PPARG: variants seen among roughly 807,000 people sequenced by gnomAD.
PPARG encodes the protein peroxisome proliferator activated receptor gamma.
In PPARG, 17 loss-of-function variants were observed where a neutral mutation model predicts 39.2. The ratio of observed to expected loss-of-function variants is 0.43; its 90% CI spans 0.30 to 0.65. PPARG has a LOEUF of 0.65. Ranked by LOEUF, PPARG falls within the 30% of genes least tolerant of loss-of-function variation. The pLI is 0.13. For synonymous variants in PPARG, 223 were observed against 215.7 expected, an observed-to-expected ratio of 1.03 and a Z score of -0.30; for missense variants, 406 against 585.9, an observed-to-expected ratio of 0.69 and a Z score of 3.17.
intron 5 of PPARG, among the ~76,000 whole-genome samples, chr3:12,398,594 G>T (rs1247736022): frequency 6.6e-6 from 1 of 152,162 alleles, no homozygotes; most frequent in African/African-American, 2.4e-5. Context: ...GGTCACACTA[G>T]GGACCACAGA....
chr3:12,310,470 T>C (rs959443780), intron 1 of PPARG, among the ~76,000 whole-genome samples: 1 of 102,056 alleles, frequency 9.8e-6, no homozygotes, highest in African/African-American at 3.5e-5. Flanking sequence ...TTTTTTTTTT[T>C]TTTTTTTTTT....
chr3:12,407,285 C>T lies in PPARG; in HGVS notation c.729+1204C>T, dbSNP rs1020348062. On this transcript the variant is annotated intron_variant, in intron 6 of 7. Coordinates refer to ENST00000651735, the MANE Select transcript of PPARG (RefSeq NM_138711.6). Reference sequence around the variant, plus strand: ...AAGCAATTCTCCTGCGTCAGCCTCCCGAGTAGCTGGGATTGCAGGCGCATG... The same window carrying T: ...AAGCAATTCTCCTGCGTCAGCCTCCTGAGTAGCTGGGATTGCAGGCGCATG... 7.2e-5 allele frequency among the ~76,000 whole-genome samples: 11 copies of T among 152,236 alleles called. 1 individual carries two copies. Among genetic ancestry groups the T allele is most frequent in the Admixed American group, 6.5e-4 (10 of 15,290 alleles).
intron 2 of PPARG, among the ~76,000 whole-genome samples, chr3:12,371,347 A>G (rs774048192): frequency 3.9e-5 from 6 of 152,200 alleles, no homozygotes; most frequent in Non-Finnish European, 7.4e-5. Context: ...GGCACAAAGC[A>G]AGCAAACAAC....
chr3:12,411,140 G>A lies in PPARG; in HGVS notation c.729+5059G>A, dbSNP rs546403832. On this transcript the variant is annotated intron_variant, in intron 6 of 7. Transcript: ENST00000651735. ...AGATGTAAAAGATCTAAACCAGTGT[G>A]TTCTTTCAGAGAATAAGTTAAAAAT... Among the ~76,000 whole-genome samples the A allele has an allele frequency of 7.9e-5, 12 of 152,240 alleles. 1 individual carries two copies. In the South Asian group the frequency reaches 2.5e-3, roughly 32 times the overall value.
At chr3:12,311,484 T>C (rs2047243059) in intron 1 of PPARG, among the ~76,000 whole-genome samples, 1 of 152,178 alleles carries the variant, frequency 6.6e-6, no homozygotes, top group Admixed American at 6.5e-5. Flanking sequence ...GTTAACAAAA[T>C]GGGAAAACAT....
At chr3:12,390,025 A>G (rs1482025653) in intron 4 of PPARG, among the ~76,000 whole-genome samples, 1 of 152,248 alleles carries the variant, frequency 6.6e-6, no homozygotes, top group East Asian at 1.9e-4. Context: ...GTAACAGACA[A>G]CAGATTAATA....
At chr3:12,366,533 G>A (rs922282648) in intron 2 of PPARG, among the ~76,000 whole-genome samples, 1 of 152,076 alleles carries the variant, frequency 6.6e-6, no homozygotes, top group African/African-American at 2.4e-5. Flanking sequence ...ATCTTAGTGG[G>A]AAAGCTTGAG....
chr3:12,400,626 G>T (rs2050438579), intron 5 of PPARG, among the ~76,000 whole-genome samples: 1 of 152,190 alleles, frequency 6.6e-6, no homozygotes, highest in African/African-American at 2.4e-5. Flanking sequence ...CTGCGTGCCA[G>T]TGTTCTGGAA....
chr3:12,366,908 T>A (rs2049036443), intron 2 of PPARG, among the ~76,000 whole-genome samples: 1 of 152,196 alleles, frequency 6.6e-6, no homozygotes, highest in Admixed American at 6.5e-5. Context: ...TCTAGCCTCA[T>A]TGAATGAGTT....
intron 7 of PPARG, among the ~76,000 whole-genome samples, chr3:12,432,317 G>A (rs780978720): frequency 6.6e-6 from 1 of 152,180 alleles, no homozygotes; most frequent in Non-Finnish European, 1.5e-5. Flanking sequence ...ATTAGCAAGT[G>A]AGTACAAGAG....
intron 7 of PPARG, among the ~76,000 whole-genome samples, chr3:12,429,672 G>A (rs2051589952): frequency 6.6e-6 from 1 of 152,080 alleles, no homozygotes; most frequent in Admixed American, 6.5e-5. Flanking sequence ...GCCCAGGAGG[G>A]CCTCTCTCGG....
chr3:12,304,916 CT>C (rs1312371331), intron 1 of PPARG, among the ~76,000 whole-genome samples: 1 of 152,180 alleles, frequency 6.6e-6, no homozygotes, highest in African/African-American at 2.4e-5. Flanking sequence ...ACGACTCTCT[CT>C]GATACTGATA....
intron 2 of PPARG, among the ~76,000 whole-genome samples, chr3:12,341,598 A>G (rs1366390406): frequency 6.6e-6 from 1 of 152,196 alleles, no homozygotes; most frequent in Non-Finnish European, 1.5e-5. Flanking sequence ...ACTTGATCCC[A>G]GAAATTCAAC....
At chr3:12,407,852 C>T (rs1302572492) in intron 6 of PPARG, among the ~76,000 whole-genome samples, 1 of 152,088 alleles carries the variant, frequency 6.6e-6, no homozygotes, top group Admixed American at 6.5e-5. Context: ...GTCTTTGATA[C>T]CTCAACAATA....
chr3:12,405,184 C>A (rs1486049105), intron 5 of PPARG, among the ~76,000 whole-genome samples: 1 of 152,180 alleles, frequency 6.6e-6, no homozygotes, highest in Non-Finnish European at 1.5e-5. Flanking sequence ...ACCCCTCTTA[C>A]ATTTTCCTTG....
intron 1 of PPARG, among the ~76,000 whole-genome samples, chr3:12,299,510 ATATATT>A (rs1401675667): frequency 1.3e-5 from 2 of 152,156 alleles, no homozygotes; most frequent in African/African-American, 4.8e-5. Flanking sequence ...ATTATGCATA[ATATATT>A]TATAATTTCT....
At chr3:12,349,059 A>G (rs895520310) in intron 2 of PPARG, among the ~76,000 whole-genome samples, 8 of 152,188 alleles carry the variant, frequency 5.3e-5, no homozygotes, top group Non-Finnish European at 1.2e-4. Flanking sequence ...TGTTTCTCAT[A>G]TCATTGCATG....
chr3:12,354,969 C>G (rs1257408154), intron 2 of PPARG, among the ~76,000 whole-genome samples: 2 of 152,068 alleles, frequency 1.3e-5, no homozygotes, highest in Non-Finnish European at 2.9e-5. Context: ...GAAATTATTT[C>G]CCACTTTCAT....
At chr3:12,414,753 G>A (rs1209103109) in intron 6 of PPARG, among the ~76,000 whole-genome samples, 7 of 152,130 alleles carry the variant, frequency 4.6e-5, no homozygotes, top group African/African-American at 7.2e-5. Context: ...TAAGAAATAC[G>A]GTAAGGACAG....
Sources: gnomAD v4.1 joint callset for allele counts (sites outside exome capture counted in the v4.1 genomes callset) on GRCh38, gnomAD v4.1.1 for gene constraint, MANE v1.5 for transcripts, NCBI Gene and HGNC (gene_info 2026-07-23, HGNC 2026-07-21) for gene names.